The following TMEM272 variants were observed in gnomAD, a reference collection of about 807,000 sequenced individuals.
The protein encoded by TMEM272 is long intergenic non-protein coding RNA 282.
Under a neutral mutation model 3.7 loss-of-function variants are expected in TMEM272, and 8 were observed. The ratio of observed to expected loss-of-function variants is 2.17; its 90% CI spans 1.27 to 3.91. TMEM272 has a LOEUF of 3.91. Ranked by LOEUF, TMEM272 falls within the 30% of genes most tolerant of loss-of-function variation. TMEM272 has a pLI of 0.00. For synonymous variants in TMEM272, 63 were observed against 39.8 expected (o/e 1.58, Z -2.20); for missense variants, 166 against 91.5 (o/e 1.81, Z -3.32).
the TMEM272 span, chr13:51,908,354 A>C: frequency 1.3e-6 from 2 of 1,487,174 alleles, no homozygotes; most frequent in Non-Finnish European, 1.9e-6. Flanking sequence ...GGTAAGGAGG[A>C]AAACCCCTCG....
At chr13:51,901,284 G>A in the TMEM272 span, among the ~76,000 whole-genome samples, 2 of 152,090 alleles carry the variant, frequency 1.3e-5, no homozygotes, top group Admixed American at 1.3e-4. Flanking sequence ...GCTGCATCTG[G>A]TCCAGCTAGA....
Position 51,824,001 on chromosome 13 carries a change from A to G in TMEM272, c.119-1864T>C, listed in dbSNP as rs191573372. ...GTCTCAACACAGCCTTTTCACACAA[A>G]GACCTTTAAGTACTTGGTGCCAAAT... is the stretch of plus-strand genomic sequence containing the variant. On this transcript the variant is annotated intron_variant, in intron 3 of 4. Coordinates refer to ENST00000629372, the MANE Select transcript of TMEM272 (RefSeq NM_001351003.2). Among the ~76,000 whole-genome samples, 103 of 152,382 alleles carry G rather than the reference A, an allele frequency of 6.8e-4. 2 individuals are homozygous for G. In the Middle Eastern group the frequency reaches 0.017, roughly 25 times the overall value.
At chr13:51,862,128 G>C in the TMEM272 span, 1 of 152,258 alleles carries the variant, frequency 6.6e-6, no homozygotes, top group East Asian at 1.9e-4. Flanking sequence ...AGCATTGTTG[G>C]GGCAAGCCTG....
the TMEM272 span, among the ~76,000 whole-genome samples, chr13:51,895,781 C>A: frequency 7.2e-5 from 11 of 152,236 alleles, no homozygotes; most frequent in African/African-American, 2.4e-4. Context: ...AGGGAGTGTT[C>A]CCAATGCGCC....
the TMEM272 span, among the ~76,000 whole-genome samples, chr13:51,850,918 TCTC>T: frequency 1.3e-5 from 2 of 152,232 alleles, no homozygotes; most frequent in South Asian, 2.1e-4. Flanking sequence ...TTGAAGTTCT[TCTC>T]CTCTTTAGAA....
the TMEM272 span, among the ~76,000 whole-genome samples, chr13:51,905,679 T>C: frequency 6.6e-6 from 1 of 152,172 alleles, no homozygotes. Context: ...GAATAAGTGC[T>C]AGGAAATGCA....
chr13:51,890,610 C>T, the TMEM272 span, among the ~76,000 whole-genome samples: 303 of 152,274 alleles, frequency 2.0e-3, no homozygotes, highest in African/African-American at 6.9e-3. Context: ...TATAGCAACA[C>T]AAAAGGACTA....
At chr13:51,860,888 C>A in the TMEM272 span, among the ~76,000 whole-genome samples, 1 of 149,218 alleles carries the variant, frequency 6.7e-6, no homozygotes, top group African/African-American at 2.5e-5. Context: ...TATATATAAC[C>A]AAACAAATTC....
chr13:51,913,267 C>T, the TMEM272 span, among the ~76,000 whole-genome samples: 2 of 152,202 alleles, frequency 1.3e-5, no homozygotes, highest in Admixed American at 6.5e-5. Context: ...CTGAGATACA[C>T]TGAATTTTAA....
intron 4 of TMEM272, among the ~76,000 whole-genome samples, chr13:51,821,155 G>C (rs942713419): frequency 6.6e-6 from 1 of 152,228 alleles, no homozygotes; most frequent in Non-Finnish European, 1.5e-5. Flanking sequence ...GGGTCCGAAT[G>C]AGAGTTCATA....
the TMEM272 span, among the ~76,000 whole-genome samples, chr13:51,904,211 A>G: frequency 6.6e-6 from 1 of 151,850 alleles, no homozygotes; most frequent in East Asian, 1.9e-4. Flanking sequence ...TGGTAATATT[A>G]ATGATGATGA....
At chr13:51,908,639 AT>A in the TMEM272 span, 2 of 1,481,950 alleles carry the variant, frequency 1.3e-6, no homozygotes, top group Non-Finnish European at 1.9e-6. Flanking sequence ...CTTTGGTATC[AT>A]TTCCACTGGA....
At chr13:51,920,018 C>G in the TMEM272 span, among the ~76,000 whole-genome samples, 15 of 152,268 alleles carry the variant, frequency 9.9e-5, no homozygotes, top group African/African-American at 3.6e-4. Context: ...GAGCTAAGGA[C>G]TAGGCAATAC....
At chr13:51,841,003 C>T (rs1956258042) in intron 1 of TMEM272, among the ~76,000 whole-genome samples, 1 of 152,242 alleles carries the variant, frequency 6.6e-6, no homozygotes, top group Non-Finnish European at 1.5e-5. Context: ...CAAATGGCTA[C>T]TGTATGAATT....
At chr13:51,896,898 G>A in the TMEM272 span, among the ~76,000 whole-genome samples, 3 of 152,194 alleles carry the variant, frequency 2.0e-5, no homozygotes, top group Admixed American at 6.5e-5. Flanking sequence ...ACCCAGGCAG[G>A]TATGGATTTT....
the TMEM272 span, among the ~76,000 whole-genome samples, chr13:51,872,163 G>A: frequency 2.0e-5 from 3 of 152,158 alleles, no homozygotes; most frequent in Non-Finnish European, 4.4e-5. Context: ...AATATACAGG[G>A]AGAAAGAAGC....
At chr13:51,896,567 T>C in the TMEM272 span, among the ~76,000 whole-genome samples, 1 of 152,128 alleles carries the variant, frequency 6.6e-6, no homozygotes, top group African/African-American at 2.4e-5. Context: ...ACATGCCCCA[T>C]GCACCCAGCC....
chr13:51,889,249 C>A, the TMEM272 span, among the ~76,000 whole-genome samples: 1 of 152,330 alleles, frequency 6.6e-6, no homozygotes, highest in East Asian at 1.9e-4. Flanking sequence ...AGTATTCACA[C>A]TTTTCCTCAT....
At chr13:51,906,319 G>A in the TMEM272 span, among the ~76,000 whole-genome samples, 5 of 152,284 alleles carry the variant, frequency 3.3e-5, no homozygotes. Context: ...GCTTTGTAGG[G>A]CTCCCATAGC....
Sources: allele counts gnomAD v4.1 joint callset (sites outside exome capture counted in the v4.1 genomes callset), GRCh38; gene constraint gnomAD v4.1.1; transcripts MANE v1.5; gene names NCBI Gene and HGNC (gene_info 2026-07-23, HGNC 2026-07-21).